Variants in MYO1H observed in about 807,000 individuals in gnomAD.
MYO1H encodes the protein unconventional myosin-Ih.
In MYO1H, 118 loss-of-function variants were observed where a neutral mutation model predicts 149.3. The ratio of observed to expected loss-of-function variants is 0.79; its 90% CI spans 0.68 to 0.92. The LOEUF is 0.92. Among genes scored for constraint, MYO1H ranks in the 40% least tolerant of loss-of-function variants. The probability of loss-of-function intolerance (pLI) is 0.00; values close to 1 mark genes in which losing one functional copy is unlikely to be tolerated. For synonymous variants in MYO1H, 447 were observed against 465.2 expected (o/e 0.96, Z 0.50); for missense variants, 1,212 against 1,280.7 (o/e 0.95, Z 0.82).
At chr12:109,411,196 T>C (rs1390063357) in intron 13 of MYO1H, among the ~76,000 whole-genome samples, 1 of 152,170 alleles carries the variant, frequency 6.6e-6, no homozygotes, top group Non-Finnish European at 1.5e-5. Context: ...CTCTAACTCC[T>C]GGGCTCAAGC....
chr12:109,412,086 T>A, intron 14 of MYO1H, 101 bp downstream of exon 14: 1 of 732,250 alleles, frequency 1.4e-6, no homozygotes. Context: ...AACTACTTCA[T>A]ACATAAAAAT....
At chr12:109,367,753 C>A (rs1048370152) in intron 1 of MYO1H, among the ~76,000 whole-genome samples, 9 of 151,996 alleles carry the variant, frequency 5.9e-5, no homozygotes. Flanking sequence ...AGGGTTTCAC[C>A]GTGTTAGCCA....
intron 16 of MYO1H, among the ~76,000 whole-genome samples, chr12:109,422,148 T>G (rs137909709): frequency 2.4e-4 from 36 of 152,298 alleles, no homozygotes; most frequent in African/African-American, 8.4e-4. Context: ...GGCCCCTATT[T>G]TGTATTAAAA....
At chr12:109,393,733 T>C (rs185569685) in intron 3 of MYO1H, among the ~76,000 whole-genome samples, 1 of 152,260 alleles carries the variant, frequency 6.6e-6, no homozygotes, top group East Asian at 1.9e-4. Flanking sequence ...TTGATGCATG[T>C]TTATTAGGTT....
chr12:109,320,146 C>G, the MYO1H span, among the ~76,000 whole-genome samples: 4 of 151,140 alleles, frequency 2.6e-5, no homozygotes, highest in Non-Finnish European at 4.4e-5. Context: ...ATTGTCTCTA[C>G]AAAAAATAAA....
exon 32 of MYO1H, chr12:109,447,237 T>C: frequency 8.0e-6 from 12 of 1,505,544 alleles, no homozygotes; most frequent in Non-Finnish European, 1.1e-5. Context: ...CTGAGGAAAC[T>C]ACAGGGGAAG....
chr12:109,393,188 C>G, intron 2 of MYO1H, 143 bp from the exon 3 acceptor site: 2 of 619,852 alleles, frequency 3.2e-6, no homozygotes, highest in Non-Finnish European at 5.8e-6. Context: ...CCCTCATACA[C>G]CTGCCATGTA....
At chr12:109,443,261 C>T (rs1284340840) in intron 27 of MYO1H, among the ~76,000 whole-genome samples, 21 of 93,356 alleles carry the variant, frequency 2.2e-4, no homozygotes, top group African/African-American at 3.1e-4. Flanking sequence ...TATATGTGTA[C>T]GTATATGTGT....
intron 1 of MYO1H, among the ~76,000 whole-genome samples, chr12:109,371,823 G>A (rs2137016091): frequency 6.6e-6 from 1 of 152,260 alleles, no homozygotes; most frequent in East Asian, 1.9e-4. Context: ...CTTACTGAGA[G>A]TATGTTCTCA....
chr12:109,412,872 G>A (rs190522774), intron 14 of MYO1H, among the ~76,000 whole-genome samples: 17 of 151,884 alleles, frequency 1.1e-4, no homozygotes, highest in Admixed American at 7.2e-4. Context: ...TACAACCTCC[G>A]CCTCCTGGGT....
chr12:109,334,384 C>T, the MYO1H span, among the ~76,000 whole-genome samples: 4 of 152,310 alleles, frequency 2.6e-5, no homozygotes, highest in South Asian at 2.1e-4. Context: ...CTATGTTGCT[C>T]AGGCTGGTCT....
At chr12:109,431,814 TC>T (rs1350639426) in intron 19 of MYO1H, among the ~76,000 whole-genome samples, 1 of 151,940 alleles carries the variant, frequency 6.6e-6, no homozygotes, top group African/African-American at 2.4e-5. Flanking sequence ...CCTCATCACT[TC>T]CCAAGCATGG....
chr12:109,396,607 G>A lies in MYO1H; in HGVS notation c.489+25G>A, dbSNP rs147260543. On this transcript the variant is annotated intron_variant, in intron 4 of 31. Transcript: ENST00000310903. The stretch of plus-strand genomic sequence containing the variant: ...GGTAAGCGATCTCTGGGGACCAATC[G>A]AAGGGAGTTCCAGGGAGGTCACTAA... 845 of 1,587,406 alleles carry A rather than the reference G, an allele frequency of 5.3e-4. 7 individuals are homozygous for A. In the African/African-American group the frequency reaches 9.7e-3, roughly 18 times the overall value.
At chr12:109,346,702 C>T (rs1051600047), upstream of MYO1H, among the ~76,000 whole-genome samples, 1 of 152,176 alleles carries the variant, frequency 6.6e-6, no homozygotes, top group African/African-American at 2.4e-5. Flanking sequence ...GCGGAGGTTG[C>T]AGTGAACTGA....
upstream of MYO1H, among the ~76,000 whole-genome samples, chr12:109,344,361 C>A (rs2048095803): frequency 1.3e-5 from 2 of 151,988 alleles, no homozygotes; most frequent in South Asian, 4.2e-4. Context: ...AATGAACAAT[C>A]TGAAAATGAA....
In MYO1H at chr12:109,405,888, A is replaced by G. The variant is rs776579053; in HGVS notation, c.850-34A>G. On this transcript the variant is annotated intron_variant, in intron 7 of 31. Coordinates refer to ENST00000310903, the Ensembl canonical transcript of MYO1H. Reference sequence around the variant, plus strand: ...GCCACCGTTCTCTTTCCCTGTCCTGATCTCCTGTCTCTGAACACTTCCCAT... The same window carrying G: ...GCCACCGTTCTCTTTCCCTGTCCTGGTCTCCTGTCTCTGAACACTTCCCAT... 3 of 1,472,074 alleles carry G rather than the reference A, an allele frequency of 2.0e-6. No individual in the cohort carries two copies. In the Admixed American group the frequency reaches 5.0e-5, roughly 25 times the overall value. The allele number at this position is 1,472,074 out of a possible 1,614,324, so 91.2% of individuals were successfully genotyped here.
At chr12:109,364,415 A>T (rs138874598) in intron 1 of MYO1H, among the ~76,000 whole-genome samples, 2 of 152,082 alleles carry the variant, frequency 1.3e-5, no homozygotes, top group East Asian at 3.9e-4. Context: ...TGCAGCCTCA[A>T]ACTCGGGGGC....
upstream of MYO1H, among the ~76,000 whole-genome samples, chr12:109,346,211 A>G (rs1365541425): frequency 6.6e-6 from 1 of 152,176 alleles, no homozygotes; most frequent in Non-Finnish European, 1.5e-5. Context: ...TGGCATTTAC[A>G]TTCTACTAGG....
At chr12:109,316,759 A>G in the MYO1H span, among the ~76,000 whole-genome samples, 46 of 152,154 alleles carry the variant, frequency 3.0e-4, no homozygotes, top group African/African-American at 1.1e-3. Context: ...GGCCTGGAGA[A>G]TACGGTGGAG....
Sources: allele counts gnomAD v4.1 joint callset (sites outside exome capture counted in the v4.1 genomes callset), GRCh38; gene constraint gnomAD v4.1.1; transcripts MANE v1.5; gene names NCBI Gene and HGNC (gene_info 2026-07-23, HGNC 2026-07-21).